The following PCNX1 variants were observed in gnomAD, a reference collection of about 807,000 sequenced individuals.
PCNX1 encodes the protein pecanex 1.
A neutral mutation model predicts 242.2 loss-of-function variants in PCNX1; 78 were observed. That is an observed-to-expected ratio of 0.32 (90% CI 0.27 to 0.39). The LOEUF (loss-of-function observed/expected upper bound fraction) is 0.39, where lower values mean the gene tolerates loss of function less well. PCNX1 is among the 10% of genes least tolerant of loss of function. The probability of loss-of-function intolerance (pLI) is 1.00; values close to 1 mark genes in which losing one functional copy is unlikely to be tolerated. For missense variants in PCNX1, 2,581 were observed against 2,856.5 expected (o/e 0.90, Z 2.20); for synonymous variants, 1,024 against 1,032.9 (o/e 0.99, Z 0.17).
chr14:71,046,196 C>A (rs1027451299), intron 20 of PCNX1, among the ~76,000 whole-genome samples: 3 of 152,126 alleles, frequency 2.0e-5, no homozygotes, highest in Admixed American at 2.0e-4. Flanking sequence ...TTTATACCAT[C>A]AGGAAAATAA....
intron 1 of PCNX1, among the ~76,000 whole-genome samples, chr14:70,910,463 T>C (rs376892492): frequency 3.9e-5 from 6 of 152,088 alleles, no homozygotes; most frequent in South Asian, 2.1e-4. Context: ...CGCCTTACTC[T>C]TCTTGCCAAG....
rs768311880 is a variant in PCNX1, at chr14:71,051,977, T to C, written c.4542T>C (p.Tyr1514=). Residue 1514 remains tyrosine (Y), a synonymous_variant, in exon 24 of 36, where the codon TAT becomes TAC. Transcript: ENST00000304743. The stretch of plus-strand genomic sequence containing the variant: ...GAAGTGCAATATTCATCACTTCATA[T>C]GTCCGACCTGTGAAATTCTGGGAGA... ...FLGSAIFITS[Y]VRPVKFWERD... 6.2e-7 allele frequency: 1 copy of C among 1,613,414 alleles called. No homozygotes were observed. Among genetic ancestry groups the C allele is most frequent in the Non-Finnish European group, 8.5e-7 (1 of 1,179,506 alleles).
chr14:71,048,932 C>A, intron 22 of PCNX1: 2 of 424,694 alleles, frequency 4.7e-6, no homozygotes, highest in Non-Finnish European at 6.3e-6. Flanking sequence ...TAAAATATTT[C>A]AATATTATAT....
intron 28 of PCNX1, among the ~76,000 whole-genome samples, chr14:71,083,372 G>A (rs562030059): frequency 8.8e-4 from 134 of 151,650 alleles, no homozygotes; most frequent in African/African-American, 3.0e-3. Context: ...GGTGTTCTCT[G>A]TATTTCCTGA....
At chr14:71,048,909 G>A (rs531923460) in intron 22 of PCNX1, 3 of 317,152 alleles carry the variant, frequency 9.5e-6, no homozygotes, top group African/African-American at 6.7e-5. Flanking sequence ...TCAGTATTGT[G>A]ATAAATAGCT....
Position 70,907,988 on chromosome 14 carries a change from CT to C in PCNX1, c.140del (p.Phe47SerfsTer11). 1 of 1,595,482 alleles carries C rather than the reference CT, an allele frequency of 6.3e-7. No individual in the cohort carries two copies. Among genetic ancestry groups the C allele is most frequent in the East Asian group, 2.4e-5 (1 of 41,906 alleles). ...TGTGGCTCTTTCTGCTGGGCCTGCC[CT>C]TCACCCTCTACATGGTGAGTGTGGG... ...YLWLFLLGLP[F>X]TLYMALPSTM... On this transcript the variant is annotated frameshift_variant, in exon 1 of 36. Transcript: ENST00000304743. LOFTEE classifies it high-confidence loss of function.
At chr14:71,092,193 GA>G (rs1161546175) in intron 30 of PCNX1, among the ~76,000 whole-genome samples, 1 of 152,168 alleles carries the variant, frequency 6.6e-6, no homozygotes, top group Non-Finnish European at 1.5e-5. Context: ...GACAAGTGTG[GA>G]AAAAAAGAAA....
At chr14:71,086,065 TC>T (rs2061981875) in intron 28 of PCNX1, among the ~76,000 whole-genome samples, 1 of 152,190 alleles carries the variant, frequency 6.6e-6, no homozygotes, top group Non-Finnish European at 1.5e-5. Context: ...GTTTTTGAGA[TC>T]ATTTATCTTT....
intron 1 of PCNX1, among the ~76,000 whole-genome samples, chr14:70,920,182 C>T (rs1278553549): frequency 6.6e-6 from 1 of 152,156 alleles, no homozygotes; most frequent in Admixed American, 6.5e-5. Context: ...GATGGAGTTC[C>T]TGTATACCCT....
In PCNX1 at chr14:70,969,025, T is replaced by C. The variant is rs1827653405; in HGVS notation, c.519T>C (p.Asp173=). 6.3e-7 allele frequency: 1 copy of C among 1,592,252 alleles called. No individual in the cohort carries two copies. The highest frequency in any genetic ancestry group is 1.3e-5 in the African/African-American group (1 of 74,462). Residue 173 remains aspartate, a synonymous_variant, in exon 5 of 36, where the codon GAT becomes GAC. Coordinates refer to ENST00000304743, the MANE Select transcript of PCNX1 (RefSeq NM_014982.3). ...RLGTAATIKG[D]TDTAKTSDDI... is the part of the protein sequence containing the mutation. Reference sequence around the variant, plus strand: ...ATGTTTCTCTTAACTTTGTAGGAGATACAGACACTGCTAAGACTTCTGATG... The same window carrying C: ...ATGTTTCTCTTAACTTTGTAGGAGACACAGACACTGCTAAGACTTCTGATG...
rs776369441 is a variant in PCNX1, at chr14:71,045,232, T to A, written c.3967T>A (p.Phe1323Ile). 1 of 1,613,516 alleles carries A rather than the reference T, an allele frequency of 6.2e-7. No homozygotes were observed. The highest frequency in any genetic ancestry group is 8.5e-7 in the Non-Finnish European group (1 of 1,179,520). The change falls in exon 20 of 36, where the codon TTC (phenylalanine) becomes ATC (isoleucine). Residue 1323 changes from phenylalanine to isoleucine, a missense_variant. Physicochemically the swap from Phe to Ile is conservative, Grantham distance 21 (BLOSUM62 0). Transcript: ENST00000304743. The stretch of plus-strand genomic sequence containing the variant: ...TAGAAAACAGCTACCATGGCACTGT[T>A]TCTCTCATCCTCTGCTAAAGACACT... ...QVRKQLPWHC[F>I]SHPLLKTLEY...
At chr14:70,963,424 C>T (rs1318379772) in intron 3 of PCNX1, among the ~76,000 whole-genome samples, 2 of 152,080 alleles carry the variant, frequency 1.3e-5, no homozygotes. Context: ...GGTAATAAAA[C>T]ATTAGAGGTA....
At chr14:71,034,786 C>T (rs1357044584) in intron 18 of PCNX1, among the ~76,000 whole-genome samples, 1 of 152,094 alleles carries the variant, frequency 6.6e-6, no homozygotes, top group Non-Finnish European at 1.5e-5. Context: ...AAAACTATAT[C>T]AAGATATTAG....
chr14:70,976,935 G>C lies in PCNX1; in HGVS notation c.605-7G>C, dbSNP rs1213707634. On this transcript the variant is annotated splice_region_variant and splice_polypyrimidine_tract_variant and intron_variant, in intron 5 of 35. Coordinates refer to ENST00000304743, the MANE Select transcript of PCNX1 (RefSeq NM_014982.3). ...TTTTAACATTTCAAAATATGTGTTTGAAACAGATTTGGCAGCTGATCGGAA... is the reference window on the plus strand; with the variant it reads ...TTTTAACATTTCAAAATATGTGTTTCAAACAGATTTGGCAGCTGATCGGAA... 6.2e-7 allele frequency: 1 copy of C among 1,606,568 alleles called. No homozygotes were observed. The highest frequency in any genetic ancestry group is 8.5e-7 in the Non-Finnish European group (1 of 1,175,444).
intron 16 of PCNX1, among the ~76,000 whole-genome samples, chr14:71,032,572 T>C (rs1051072495): frequency 6.6e-6 from 1 of 152,234 alleles, no homozygotes; most frequent in African/African-American, 2.4e-5. Flanking sequence ...GTCTGTGTTA[T>C]GATGTGAAAC....
At chr14:71,052,069 A>G (rs1040662235) in intron 24 of PCNX1, 57 bp downstream of exon 24, 35 of 1,241,578 alleles carry the variant, frequency 2.8e-5, no homozygotes, top group Middle Eastern at 2.1e-4. Context: ...GGGAAAAACT[A>G]TTGACAGCAT....
intron 4 of PCNX1, among the ~76,000 whole-genome samples, chr14:70,968,606 G>C (rs540682759): frequency 1.3e-5 from 2 of 152,258 alleles, no homozygotes; most frequent in East Asian, 1.9e-4. Flanking sequence ...GAACAAAAAA[G>C]AGCAAGTTAT....
chr14:70,951,079 ATTG>A lies in PCNX1; in HGVS notation c.362+3961_362+3963del, dbSNP rs573618074. 6.1e-4 allele frequency among the ~76,000 whole-genome samples: 93 copies of A among 152,086 alleles called. 2 individuals are homozygous for A. In the South Asian group the frequency reaches 0.017, roughly 28 times the overall value. ...TTATCATTTTACTTTTTACTCTTAA[ATTG>A]TTGTCAGTTTGAAAACATTTTAACT... is the stretch of plus-strand genomic sequence containing the variant. On this transcript the variant is annotated intron_variant, in intron 2 of 35. Transcript: ENST00000304743.
rs545865712 is a variant in PCNX1, at chr14:71,075,672, G to A, written c.5107-517G>A. On this transcript the variant is annotated intron_variant, in intron 27 of 35. Transcript: ENST00000304743. ...AGCACTTTGGGAGGCCGAGGCGGATGGACCACTTGAGGTCAGGAGTTCAAG... is the reference window on the plus strand; with the variant it reads ...AGCACTTTGGGAGGCCGAGGCGGATAGACCACTTGAGGTCAGGAGTTCAAG... Among the ~76,000 whole-genome samples, 548 of 152,230 alleles carry A rather than the reference G, an allele frequency of 3.6e-3. 1 individual carries two copies. Among genetic ancestry groups the A allele is most frequent in the African/African-American group, 0.013 (531 of 41,536 alleles).
Sources: gnomAD v4.1 joint callset for allele counts (sites outside exome capture counted in the v4.1 genomes callset) on GRCh38, gnomAD v4.1.1 for gene constraint, MANE v1.5 for transcripts, NCBI Gene and HGNC (gene_info 2026-07-23, HGNC 2026-07-21) for gene names.